ZNF556: variants seen among roughly 807,000 people sequenced by gnomAD.
ZNF556 encodes zinc finger protein 556.
Under a neutral mutation model 13.6 loss-of-function variants are expected in ZNF556, and 11 were observed. That is an observed-to-expected ratio of 0.81 (90% CI 0.51 to 1.33). The LOEUF (loss-of-function observed/expected upper bound fraction) is 1.33, where lower values mean the gene tolerates loss of function less well. Among genes scored for constraint, ZNF556 ranks in the 40% most tolerant of loss-of-function variants. The pLI, the probability that ZNF556 is intolerant of heterozygous loss-of-function variation, is 0.00. For synonymous variants in ZNF556, 229 were observed against 207.8 expected, an observed-to-expected ratio of 1.10 and a Z score of -0.88; for missense variants, 633 against 566.2, an observed-to-expected ratio of 1.12 and a Z score of -1.20.
In ZNF556 at chr19:2,877,341, A is replaced by C. The variant is rs942639735; in HGVS notation, c.383A>C (p.Lys128Thr). 6.2e-7 allele frequency: 1 copy of C among 1,614,270 alleles called. No homozygotes were observed. Among genetic ancestry groups the C allele is most frequent in the East Asian group, 2.2e-5 (1 of 44,896 alleles). ...AATAAACGTGGAAGAACCTTCAGAAAGACTCGAAATTGTAATCGTCATCTG... is the reference window on the plus strand; with the variant it reads ...AATAAACGTGGAAGAACCTTCAGAACGACTCGAAATTGTAATCGTCATCTG... ...KGNKRGRTFR[K>T]TRNCNRHLRK... is the part of the protein sequence containing the mutation. Residue 128 changes from lysine (K) to threonine (T), a missense_variant, in exon 4 of 4, where the codon AAG becomes ACG. Physicochemically the swap from Lys to Thr is moderately conservative, Grantham distance 78. Transcript: ENST00000307635.
chr19:2,873,396 G>C (rs1325157452), intron 1 of ZNF556, 100 bp from the exon 2 acceptor site: 1 of 1,407,416 alleles, frequency 7.1e-7, no homozygotes, highest in African/African-American at 1.4e-5. Context: ...GATATTGGCA[G>C]ACTGCAGGAT....
intron 1 of ZNF556, among the ~76,000 whole-genome samples, chr19:2,872,518 A>G (rs2087812136): frequency 6.6e-6 from 1 of 152,212 alleles, no homozygotes; most frequent in African/African-American, 2.4e-5. Flanking sequence ...ATATTGGAAT[A>G]AAGAGTAAGT....
At position 2,882,126 on chromosome 19, in the gene ZNF556, GAAAC is replaced by G. The variant is rs2087908454; in HGVS notation, c.*3800_*3803del. ...GTGTGTCAAATTAAAAAGAAAAAAA[GAAAC>G]AATAATTATTTCCCTGGCCGGGCGC... On this transcript the variant is annotated 3_prime_UTR_variant, in exon 4 of 4. Transcript: ENST00000307635. The G allele has an allele frequency of 1.3e-5, 2 of 151,990 alleles. No individual in the cohort carries two copies. Among genetic ancestry groups the G allele is most frequent in the Non-Finnish European group, 2.9e-5 (2 of 68,050 alleles). The allele number at this position is 151,990 out of a possible 1,614,324, so 9.4% of individuals were successfully genotyped here.
intron 1 of ZNF556, among the ~76,000 whole-genome samples, chr19:2,870,986 C>T (rs374576675): frequency 6.6e-5 from 10 of 151,504 alleles, no homozygotes; most frequent in Non-Finnish European, 1.3e-4. Flanking sequence ...TTGCAGTGAG[C>T]CGAGATCGCA....
rs765618140 is a variant in ZNF556 at position 2,877,564 on chromosome 19, C to A, written c.606C>A (p.Pro202=). 2 of 1,614,036 alleles carry A rather than the reference C, an allele frequency of 1.2e-6. No homozygotes were observed. The highest frequency in any genetic ancestry group is 2.7e-5 in the African/African-American group (2 of 74,904). Residue 202 remains proline, a synonymous_variant, in exon 4 of 4, where the codon CCC becomes CCA. Coordinates refer to ENST00000307635, the MANE Select transcript of ZNF556 (RefSeq NM_024967.3). The stretch of plus-strand genomic sequence containing the variant: ...AGAAAACTCACAGTGGAGAGAAACC[C>A]TATGCCTGTCAATCTTGCGGGAAGA... ...THEKTHSGEK[P]YACQSCGKTF... is the part of the protein sequence containing the mutation.
At chr19:2,870,396 G>A (rs189197610) in intron 1 of ZNF556, among the ~76,000 whole-genome samples, 25 of 152,144 alleles carry the variant, frequency 1.6e-4, no homozygotes, top group South Asian at 2.1e-4. Context: ...AGGCTGCGGC[G>A]AGTTCTCATT....
intron 2 of ZNF556, chr19:2,875,508 TAAG>T (rs926660954): frequency 6.3e-6 from 1 of 159,196 alleles, no homozygotes; most frequent in African/African-American, 2.4e-5. Flanking sequence ...CCTTCAATTT[TAAG>T]AAGAACTGTG....
rs1372450496 is a variant in ZNF556, at chr19:2,881,821, G to A, written c.*3492G>A. On this transcript the variant is annotated 3_prime_UTR_variant, in exon 4 of 4. Transcript: ENST00000307635. ...TAGTGAGCAGTAATACAGAAATAACGGCAGGACCAGGGGCAGTGGCTCACA... is the reference window on the plus strand; with the variant it reads ...TAGTGAGCAGTAATACAGAAATAACAGCAGGACCAGGGGCAGTGGCTCACA... The A allele has an allele frequency of 2.6e-5, 4 of 151,728 alleles. No homozygotes were observed. The highest frequency in any genetic ancestry group is 9.7e-5 in the African/African-American group (4 of 41,298). 9.4% of individuals were successfully genotyped at this position (151,728 alleles called of 1,614,324 possible). A position where few individuals can be genotyped will look rare whatever the true frequency, so the allele number is the denominator to read the frequency against.
chr19:2,874,238 T>G (rs563970254), intron 2 of ZNF556, among the ~76,000 whole-genome samples: 3 of 151,986 alleles, frequency 2.0e-5, no homozygotes, highest in Non-Finnish European at 4.4e-5. Flanking sequence ...GCCTGGGCCA[T>G]AGAGTGAGAC....
At chr19:2,868,236 G>A (rs543431666) in intron 1 of ZNF556, among the ~76,000 whole-genome samples, 2 of 151,992 alleles carry the variant, frequency 1.3e-5, no homozygotes, top group Non-Finnish European at 2.9e-5. Flanking sequence ...AAAAAGAATC[G>A]CAGAGAAAGA....
Position 2,877,978 on chromosome 19 carries a change from G to C in ZNF556, c.1020G>C (p.Lys340Asn). 1.9e-6 allele frequency: 3 copies of C among 1,614,128 alleles called. No individual in the cohort carries two copies. Among genetic ancestry groups the C allele is most frequent in the Non-Finnish European group, 2.5e-6 (3 of 1,180,008 alleles). ...LHKHARTHAKKKPVSGGSVGK... is the reference protein window; with the variant it reads ...LHKHARTHAKNKPVSGGSVGK... The stretch of plus-strand genomic sequence containing the variant: ...AACACGCGAGAACGCATGCTAAAAA[G>C]AAACCTGTGAGTGGGGGCAGCGTGG... The change falls in exon 4 of 4, where the codon AAG (lysine) becomes AAC (asparagine). Residue 340 changes from lysine (K) to asparagine (N), a missense_variant. Transcript: ENST00000307635.
intron 2 of ZNF556, among the ~76,000 whole-genome samples, chr19:2,874,113 T>C (rs568838237): frequency 1.3e-5 from 2 of 151,670 alleles, no homozygotes; most frequent in South Asian, 2.1e-4. Context: ...AAAAATTAGC[T>C]GGGCATGGTG....
chr19:2,873,027 G>A (rs2087818162), intron 1 of ZNF556, among the ~76,000 whole-genome samples: 1 of 151,518 alleles, frequency 6.6e-6, no homozygotes, highest in Admixed American at 6.6e-5. Flanking sequence ...CAGCTACTTG[G>A]GAGACTGAGG....
At chr19:2,873,175 C>T (rs1356315142) in intron 1 of ZNF556, among the ~76,000 whole-genome samples, 1 of 151,784 alleles carries the variant, frequency 6.6e-6, no homozygotes, top group African/African-American at 2.4e-5. Flanking sequence ...GTAAATCTTA[C>T]TTGTTCTTAC....
At chr19:2,870,959 A>G (rs2087797995) in intron 1 of ZNF556, among the ~76,000 whole-genome samples, 1 of 151,600 alleles carries the variant, frequency 6.6e-6, no homozygotes, top group Non-Finnish European at 1.5e-5. Flanking sequence ...GGATCACTTG[A>G]ACCTTGGAGG....
At chr19:2,870,629 C>G (rs1250993669) in intron 1 of ZNF556, among the ~76,000 whole-genome samples, 1 of 152,060 alleles carries the variant, frequency 6.6e-6, no homozygotes, top group Non-Finnish European at 1.5e-5. Flanking sequence ...CGCCTGTAAT[C>G]CCAGCTACTC....
In ZNF556 at chr19:2,878,986, G is replaced by T. The variant is rs549121331; in HGVS notation, c.*657G>T. 2.0e-5 allele frequency: 3 copies of T among 151,840 alleles called. No homozygotes were observed. Among genetic ancestry groups the T allele is most frequent in the African/African-American group, 7.3e-5 (3 of 41,324 alleles). The allele number at this position is 151,840 out of a possible 1,614,324, so 9.4% of individuals were successfully genotyped here. A position where few individuals can be genotyped will look rare whatever the true frequency, so the allele number is the denominator to read the frequency against. ...TTTTATATATTTTTTTTGTTACTCC[G>T]TGTGAGGCCATTAGACCAATGAAAT... is the stretch of plus-strand genomic sequence containing the variant. On this transcript the variant is annotated 3_prime_UTR_variant, in exon 4 of 4. Coordinates refer to ENST00000307635, the MANE Select transcript of ZNF556 (RefSeq NM_024967.3).
At chr19:2,867,449 C>T (rs1380019844) in intron 1 of ZNF556, 25 bp downstream of exon 1, 35 of 1,579,632 alleles carry the variant, frequency 2.2e-5, no homozygotes, top group Non-Finnish European at 2.7e-5. Flanking sequence ...GGAGCCGAGC[C>T]GGAGCCGGAG....
intron 1 of ZNF556, among the ~76,000 whole-genome samples, chr19:2,868,605 C>T (rs1329014224): frequency 6.6e-6 from 1 of 152,024 alleles, no homozygotes; most frequent in Non-Finnish European, 1.5e-5. Flanking sequence ...TTAGTGGAGA[C>T]AGGGTTTTAC....
Sources: allele counts gnomAD v4.1 joint callset (sites outside exome capture counted in the v4.1 genomes callset), GRCh38; gene constraint gnomAD v4.1.1; transcripts MANE v1.5; gene names NCBI Gene and HGNC (gene_info 2026-07-23, HGNC 2026-07-21).